ADGRL2: variants seen among roughly 807,000 people sequenced by gnomAD.
The protein encoded by ADGRL2 is calcium-independent alpha-latrotoxin receptor 2.
A neutral mutation model predicts 157.4 loss-of-function variants in ADGRL2; 44 were observed. That is an observed-to-expected ratio of 0.28 (90% confidence interval 0.22 to 0.36). ADGRL2 has a LOEUF of 0.36. Ranked by LOEUF, ADGRL2 falls within the 10% of genes least tolerant of loss-of-function variation. The probability of loss-of-function intolerance (pLI) is 1.00; values close to 1 mark genes in which losing one functional copy is unlikely to be tolerated. For missense variants in ADGRL2, 1,510 were observed against 1,768.9 expected (o/e 0.85, Z 2.63); for synonymous variants, 585 against 624.7 (o/e 0.94, Z 0.95).
At position 81,776,472 on chromosome 1, in the gene ADGRL2, C is replaced by A. The variant is rs181241594; in HGVS notation, c.-101+14620C>A. Among the ~76,000 whole-genome samples, 15 of 152,288 alleles carry A rather than the reference C, an allele frequency of 9.8e-5. No homozygotes were observed. In the East Asian group the frequency reaches 2.7e-3, roughly 27 times the overall value. On this transcript the variant is annotated intron_variant, in intron 2 of 20. Coordinates refer to the ADGRL2 transcript ENST00000359929. Reference sequence around the variant, plus strand: ...AAAGTGCTGGGATTATAGGCATGAGCCACCACGCCTGGCCAGTAAGATTTT... The same window carrying A: ...AAAGTGCTGGGATTATAGGCATGAGACACCACGCCTGGCCAGTAAGATTTT...
intron 2 of ADGRL2, among the ~76,000 whole-genome samples, chr1:81,484,712 A>C (rs2147904576): frequency 6.6e-6 from 1 of 152,262 alleles, no homozygotes; most frequent in Non-Finnish European, 1.5e-5. Flanking sequence ...TTAAATGGAA[A>C]AAAAATCATC....
chr1:81,665,424 C>A (rs1190416279), intron 3 of ADGRL2, among the ~76,000 whole-genome samples: 1 of 152,146 alleles, frequency 6.6e-6, no homozygotes, highest in South Asian at 2.1e-4. Flanking sequence ...CATTTCATTT[C>A]TTTATTAAGC....
intron 13 of ADGRL2, 62 bp downstream of exon 13, chr1:81,966,671 A>G (rs1657142492): frequency 7.0e-7 from 1 of 1,424,704 alleles, no homozygotes. Context: ...AAGGAAAGCA[A>G]AACTGAGGTG....
intron 3 of ADGRL2, among the ~76,000 whole-genome samples, chr1:81,680,050 G>T (rs756622353): frequency 2.0e-5 from 3 of 152,132 alleles, no homozygotes; most frequent in Admixed American, 1.3e-4. Context: ...GATTAGTAGC[G>T]ACTTAAAGGG....
intron 1 of ADGRL2, among the ~76,000 whole-genome samples, chr1:81,412,422 C>T (rs1055281076): frequency 6.6e-6 from 1 of 152,226 alleles, no homozygotes; most frequent in Non-Finnish European, 1.5e-5. Context: ...TTCCTCTTCA[C>T]CATCTTCTCT....
At chr1:81,622,305 G>T (rs1018290646) in intron 3 of ADGRL2, among the ~76,000 whole-genome samples, 1 of 151,898 alleles carries the variant, frequency 6.6e-6, no homozygotes, top group African/African-American at 2.4e-5. Flanking sequence ...TTTTTTGGCC[G>T]GGCACGGTAG....
intron 1 of ADGRL2, among the ~76,000 whole-genome samples, chr1:81,386,212 T>C (rs2076432142): frequency 6.6e-6 from 1 of 152,082 alleles, no homozygotes; most frequent in Non-Finnish European, 1.5e-5. Context: ...TCTATCTAAA[T>C]GAAATAAAAC....
At chr1:81,972,591 A>G (rs1456307541) in intron 17 of ADGRL2, among the ~76,000 whole-genome samples, 3 of 152,102 alleles carry the variant, frequency 2.0e-5, no homozygotes. Context: ...GAGTGTAGCT[A>G]CAGTATCTAG....
upstream of ADGRL2, among the ~76,000 whole-genome samples, chr1:81,694,963 T>C (rs1381573581): frequency 6.6e-6 from 1 of 152,198 alleles, no homozygotes; most frequent in Non-Finnish European, 1.5e-5. Context: ...TTGAATTGAT[T>C]ATTTTTATTG....
At chr1:81,919,649 T>C (rs543230039) in intron 3 of ADGRL2, among the ~76,000 whole-genome samples, 1 of 152,208 alleles carries the variant, frequency 6.6e-6, no homozygotes, top group Admixed American at 6.5e-5. Flanking sequence ...ATTCTGTAAT[T>C]TTTTTCATAC....
chr1:81,729,524 A>G (rs925434951), intron 1 of ADGRL2, among the ~76,000 whole-genome samples: 5 of 152,216 alleles, frequency 3.3e-5, no homozygotes, highest in African/African-American at 9.6e-5. Context: ...TGTCTATACT[A>G]AGCAAAATGA....
chr1:81,400,107 C>T (rs942771086), intron 1 of ADGRL2, among the ~76,000 whole-genome samples: 2 of 151,954 alleles, frequency 1.3e-5, no homozygotes, highest in Admixed American at 1.3e-4. Flanking sequence ...GGCAGTGGTG[C>T]TGGTAGCATA....
At chr1:81,369,891 G>T (rs1260781514) in intron 1 of ADGRL2, among the ~76,000 whole-genome samples, 1 of 152,014 alleles carries the variant, frequency 6.6e-6, no homozygotes, top group Non-Finnish European at 1.5e-5. Context: ...AAGCTTTTTG[G>T]AACTGAGGTA....
intron 1 of ADGRL2, among the ~76,000 whole-genome samples, chr1:81,828,832 GAC>G (rs1241230711): frequency 2.0e-5 from 3 of 152,018 alleles, no homozygotes; most frequent in African/African-American, 7.2e-5. Context: ...CACTCAAAAT[GAC>G]ACAGTCTGTT....
At chr1:81,685,973 C>T (rs2083220753) in intron 3 of ADGRL2, among the ~76,000 whole-genome samples, 1 of 152,008 alleles carries the variant, frequency 6.6e-6, no homozygotes, top group African/African-American at 2.4e-5. Flanking sequence ...TCTGTGCATC[C>T]CTGGTGTGAA....
chr1:81,984,786 G>A, intron 20 of ADGRL2, 75 bp downstream of exon 20: 2 of 1,445,952 alleles, frequency 1.4e-6, no homozygotes, highest in South Asian at 2.7e-5. Context: ...CTGTTCAGAT[G>A]CACTAATTGT....
chr1:81,590,085 C>A (rs1310586265), intron 3 of ADGRL2, among the ~76,000 whole-genome samples: 1 of 152,140 alleles, frequency 6.6e-6, no homozygotes, highest in Non-Finnish European at 1.5e-5. Context: ...GTGCAGTTTT[C>A]TGAGTAAATA....
intron 1 of ADGRL2, among the ~76,000 whole-genome samples, chr1:81,720,468 G>A (rs1028047990): frequency 5.3e-5 from 8 of 151,914 alleles, no homozygotes; most frequent in African/African-American, 1.7e-4. Flanking sequence ...CACTGCGCCC[G>A]GCCAAAGCAT....
intron 1 of ADGRL2, among the ~76,000 whole-genome samples, chr1:81,364,428 A>C (rs1241302524): frequency 6.6e-6 from 1 of 152,180 alleles, no homozygotes; most frequent in African/African-American, 2.4e-5. Context: ...AGACCCAGGT[A>C]TAGAACAATT....
Sources: allele counts gnomAD v4.1 joint callset (sites outside exome capture counted in the v4.1 genomes callset), GRCh38; gene constraint gnomAD v4.1.1; transcripts MANE v1.5; gene names NCBI Gene and HGNC (gene_info 2026-07-23, HGNC 2026-07-21).